Variants in ANKS1A observed in about 807,000 individuals in gnomAD.
ANKS1A encodes ankyrin repeat and sterile alpha motif domain containing 1A.
In ANKS1A, 55 loss-of-function variants were observed where a neutral mutation model predicts 120.3. That is an observed-to-expected ratio of 0.46 (90% CI 0.37 to 0.57). The LOEUF (loss-of-function observed/expected upper bound fraction) is 0.57, where lower values mean the gene tolerates loss of function less well. ANKS1A is among the 20% of genes least tolerant of loss of function. ANKS1A has a pLI of 0.00. For missense variants in ANKS1A, 1,123 were observed against 1,480.3 expected (o/e 0.76, Z 3.96); for synonymous variants, 590 against 604.7 (o/e 0.98, Z 0.36).
Position 35,084,325 on chromosome 6 carries a change from G to A in ANKS1A, c.3132+67G>A, listed in dbSNP as rs1232108897. On this transcript the variant is annotated intron_variant, in intron 21 of 23. Transcript: ENST00000360359. The surrounding 1 kb of genome is among the most constrained non-coding windows in gnomAD (Gnocchi z 4.8). ...CAGCCCTGAGGCGTCCAGCCCCATT[G>A]CAGGGCACAGATGCGGCGCTGTCCT... 2 of 1,586,410 alleles carry A rather than the reference G, an allele frequency of 1.3e-6. No individual in the cohort carries two copies. The highest frequency in any genetic ancestry group is 4.5e-5 in the East Asian group (2 of 44,636).
intron 11 of ANKS1A, among the ~76,000 whole-genome samples, chr6:35,020,576 T>G (rs982200913): frequency 3.9e-5 from 6 of 152,214 alleles, no homozygotes; most frequent in Admixed American, 2.6e-4. Flanking sequence ...TCTGAGCGTA[T>G]CCCAAACCAG....
Position 34,981,929 on chromosome 6 carries a change from TG to T in ANKS1A, c.677del (p.Gly226AlafsTer50). On this transcript the variant is annotated frameshift_variant, in exon 4 of 24. Transcript: ENST00000360359. LOFTEE classifies it high-confidence loss of function. ...CCCCTCTGCACTTGGCAGCAAGGAATGGCCACAAAGCCGTGGTCCAGGTCCT... is the reference window on the plus strand; with the variant it reads ...CCCCTCTGCACTTGGCAGCAAGGAATGCCACAAAGCCGTGGTCCAGGTCCT... ...HTPLHLAARN[G>X]HKAVVQVLLD... 6.2e-7 allele frequency: 1 copy of T among 1,614,196 alleles called. No individual in the cohort carries two copies. Among genetic ancestry groups the T allele is most frequent in the Non-Finnish European group, 8.5e-7 (1 of 1,180,036 alleles).
chr6:34,913,621 T>C (rs1004241860), intron 1 of ANKS1A, among the ~76,000 whole-genome samples: 1 of 150,850 alleles, frequency 6.6e-6, no homozygotes, highest in Non-Finnish European at 1.5e-5. Flanking sequence ...CAAAATAGTT[T>C]GTTGTTGTTG....
chr6:35,011,371 G>A (rs1458108095), intron 10 of ANKS1A, among the ~76,000 whole-genome samples: 1 of 152,164 alleles, frequency 6.6e-6, no homozygotes, highest in East Asian at 1.9e-4. Context: ...GTTAGAAATC[G>A]TGGCTGGTTG....
chr6:35,040,910 C>G (rs1266619594), intron 11 of ANKS1A, among the ~76,000 whole-genome samples: 3 of 152,234 alleles, frequency 2.0e-5, no homozygotes, highest in African/African-American at 7.2e-5. Flanking sequence ...TGTGTCTTCC[C>G]TCTTCCCTCG....
At chr6:34,980,338 C>T (rs1033542155) in intron 3 of ANKS1A, among the ~76,000 whole-genome samples, 2 of 152,192 alleles carry the variant, frequency 1.3e-5, no homozygotes, top group Non-Finnish European at 2.9e-5. Flanking sequence ...TTTTTCTGTC[C>T]TTATTTCATT....
chr6:34,960,581 A>G (rs938102512), intron 1 of ANKS1A, among the ~76,000 whole-genome samples: 18 of 152,168 alleles, frequency 1.2e-4, no homozygotes, highest in African/African-American at 3.6e-4. Context: ...TACACATGCA[A>G]TCAGTTTTTA....
chr6:35,089,161 G>A lies in ANKS1A; in HGVS notation c.*552G>A, dbSNP rs1778164331. ...CTTTTCAAACCCAACCATATCAGCT[G>A]CTGCTCTTTATGAACTGCCCAACTT... On this transcript the variant is annotated 3_prime_UTR_variant, in exon 24 of 24. Coordinates refer to ENST00000360359, the MANE Select transcript of ANKS1A (RefSeq NM_015245.3). The A allele has an allele frequency of 5.0e-6, 5 of 1,003,270 alleles. No homozygotes were observed. Among genetic ancestry groups the A allele is most frequent in the Non-Finnish European group, 6.0e-6 (5 of 839,082 alleles). 62.1% of individuals were successfully genotyped at this position (1,003,270 alleles called of 1,614,324 possible).
downstream of ANKS1A, among the ~76,000 whole-genome samples, chr6:35,094,435 G>A (rs533468298): frequency 4.3e-5 from 6 of 138,542 alleles, no homozygotes; most frequent in South Asian, 2.2e-4. Flanking sequence ...GTGAGACTTC[G>A]TCTGGAAAAA....
At chr6:34,944,602 TG>T (rs1769694923) in intron 1 of ANKS1A, among the ~76,000 whole-genome samples, 1 of 152,168 alleles carries the variant, frequency 6.6e-6, no homozygotes, top group Non-Finnish European at 1.5e-5. Flanking sequence ...TCAGTATCCG[TG>T]GGGGACTGGT....
At chr6:34,976,532 A>G (rs1024840822) in intron 3 of ANKS1A, among the ~76,000 whole-genome samples, 4 of 152,152 alleles carry the variant, frequency 2.6e-5, no homozygotes. Flanking sequence ...TGGTACATTT[A>G]AAATGATTTC....
chr6:35,034,621 T>C (rs1775065858), intron 11 of ANKS1A, among the ~76,000 whole-genome samples: 1 of 152,264 alleles, frequency 6.6e-6, no homozygotes, highest in Admixed American at 6.5e-5. Flanking sequence ...TTAAAAGATA[T>C]TTTTAAGCCT....
chr6:35,079,137 G>A (rs892774841), intron 14 of ANKS1A, among the ~76,000 whole-genome samples: 5 of 152,318 alleles, frequency 3.3e-5, no homozygotes, highest in African/African-American at 9.6e-5. Flanking sequence ...CAGTGGCCCC[G>A]TCCCTTCTAC....
chr6:34,982,888 A>G lies in ANKS1A; in HGVS notation c.808+61A>G, dbSNP rs1771975727. On this transcript the variant is annotated intron_variant, in intron 5 of 23. Transcript: ENST00000360359. This position sits in a 1 kb window ranked among gnomAD's most constrained non-coding sequence, Gnocchi z 4.9. Reference sequence around the variant, plus strand: ...GCCAGGGTTGGGATTGTTTCTCCCTAGTCCCCTAGGGGGATTTTTGCTGGC... The same window carrying G: ...GCCAGGGTTGGGATTGTTTCTCCCTGGTCCCCTAGGGGGATTTTTGCTGGC... 6 of 1,606,086 alleles carry G rather than the reference A, an allele frequency of 3.7e-6. No homozygotes were observed. Among genetic ancestry groups the G allele is most frequent in the South Asian group, 1.1e-5 (1 of 90,866 alleles).
downstream of ANKS1A, among the ~76,000 whole-genome samples, chr6:35,092,890 T>C (rs1778349978): frequency 6.6e-6 from 1 of 152,160 alleles, no homozygotes. Flanking sequence ...AAAATTGGGA[T>C]AGATCAATCC....
chr6:35,040,391 C>T (rs1775396651), intron 11 of ANKS1A, among the ~76,000 whole-genome samples: 1 of 152,214 alleles, frequency 6.6e-6, no homozygotes, highest in Non-Finnish European at 1.5e-5. Context: ...TCCTCCATTT[C>T]CACTGACTTG....
Position 35,085,101 on chromosome 6 carries a change from T to G in ANKS1A, c.3133-665T>G, listed in dbSNP as rs187304710. ...CAGTCCTCTGTTTGCTCTGGGCCAGTGAAGGTTAGGAGGAACCAGGCTTTG... is the reference window on the plus strand; with the variant it reads ...CAGTCCTCTGTTTGCTCTGGGCCAGGGAAGGTTAGGAGGAACCAGGCTTTG... On this transcript the variant is annotated intron_variant, in intron 21 of 23. Transcript: ENST00000360359. This position sits in a 1 kb window ranked among gnomAD's most constrained non-coding sequence, Gnocchi z 4.7. Among the ~76,000 whole-genome samples, 1 of 152,168 alleles carries G rather than the reference T, an allele frequency of 6.6e-6. No individual in the cohort carries two copies. The highest frequency in any genetic ancestry group is 1.5e-5 in the Non-Finnish European group (1 of 67,990).
chr6:34,955,550 C>A (rs1370770680), intron 1 of ANKS1A, among the ~76,000 whole-genome samples: 1 of 152,090 alleles, frequency 6.6e-6, no homozygotes, highest in African/African-American at 2.4e-5. Flanking sequence ...ATGTTGGTTT[C>A]GTTTCCTTCT....
At chr6:34,969,808 C>A (rs1394614867) in intron 2 of ANKS1A, among the ~76,000 whole-genome samples, 1 of 152,146 alleles carries the variant, frequency 6.6e-6, no homozygotes, top group Middle Eastern at 3.2e-3. Context: ...CATAGCATGG[C>A]TCAAGGTGGT....
Sources: allele counts gnomAD v4.1 joint callset (sites outside exome capture counted in the v4.1 genomes callset), GRCh38; gene constraint gnomAD v4.1.1; non-coding constraint Gnocchi (gnomAD v3.1); transcripts MANE v1.5; gene names NCBI Gene and HGNC (gene_info 2026-07-23, HGNC 2026-07-21).